The following ARHGEF1 variants were observed in gnomAD, a reference collection of about 807,000 sequenced individuals.
ARHGEF1 encodes the protein Rho guanine nucleotide exchange factor 1.
A neutral mutation model predicts 119.7 loss-of-function variants in ARHGEF1; 40 were observed. The observed-to-expected ratio is 0.33, with a 90% CI of 0.26 to 0.44. The LOEUF is 0.44. ARHGEF1 is among the 20% of genes least tolerant of loss of function. The pLI, the probability that ARHGEF1 is intolerant of heterozygous loss-of-function variation, is 1.00. For synonymous variants in ARHGEF1, 494 were observed against 521.0 expected (o/e 0.95, Z 0.71); for missense variants, 976 against 1,268.3 (o/e 0.77, Z 3.50).
chr19:41,898,551 C>G lies in ARHGEF1; in HGVS notation c.1231C>G (p.Pro411Ala). The change falls in exon 14 of 29, where the codon CCC (proline) becomes GCC (alanine). Residue 411 changes from proline (P) to alanine (A), a missense_variant. By Grantham distance (27) the Pro-to-Ala change is conservative. This residue lies in a region of ARHGEF1 where 519 missense variants were observed against 580.9 expected (regional missense o/e 0.89). Coordinates refer to ENST00000354532, the MANE Select transcript of ARHGEF1 (RefSeq NM_004706.4). ...LVPPDTLHSL[P>A]KSQVKRQEVI... ...CCCCCCAGACACCCTGCACAGCCTGCCCAAGAGCCAGGTGAAGCGGCAGGA... is the reference window on the plus strand; with the variant it reads ...CCCCCCAGACACCCTGCACAGCCTGGCCAAGAGCCAGGTGAAGCGGCAGGA... The G allele has an allele frequency of 6.3e-7, 1 of 1,577,448 alleles. No individual in the cohort carries two copies. The highest frequency in any genetic ancestry group is 8.6e-7 in the Non-Finnish European group (1 of 1,161,960).
chr19:41,910,298 C>T (rs572305915), downstream of ARHGEF1, among the ~76,000 whole-genome samples: 15 of 152,250 alleles, frequency 9.9e-5, no homozygotes, highest in African/African-American at 2.9e-4. The surrounding 1 kb of genome is among the most constrained non-coding windows in gnomAD (Gnocchi z 4.4). Flanking sequence ...ACCCAGTCAT[C>T]CAGGGACCCT....
upstream of ARHGEF1, among the ~76,000 whole-genome samples, chr19:41,922,094 G>C (rs535804351): frequency 6.6e-6 from 1 of 152,076 alleles, no homozygotes; most frequent in Admixed American, 6.5e-5. Flanking sequence ...CTGGAGGGGC[G>C]GGGGCAGAGA....
chr19:41,927,357 A>G (rs957608698), intron 1 of ARHGEF1, among the ~76,000 whole-genome samples: 3 of 152,136 alleles, frequency 2.0e-5, no homozygotes, highest in African/African-American at 7.2e-5. Context: ...TCCTTCCCAC[A>G]GACCCTGTGA....
Position 41,906,831 on chromosome 19 carries a change from G to A in ARHGEF1, c.*17+28G>A, listed in dbSNP as rs141930689. The A allele has an allele frequency of 7.2e-4, 1,116 of 1,558,146 alleles. 10 individuals carry two copies. In the African/African-American group the frequency reaches 0.013, roughly 18 times the overall value. ...GAGTGGGGCACCTGGGGGCCAGGGC[G>A]CTGTCCTGAAAGGAGGGTCCCCCTC... On this transcript the variant is annotated intron_variant, in intron 28 of 28. Transcript: ENST00000354532. This position sits in a 1 kb window ranked among gnomAD's most constrained non-coding sequence, Gnocchi z 4.5.
chr19:41,890,287 G>A (rs947806490), intron 4 of ARHGEF1: 5 of 151,968 alleles, frequency 3.3e-5, no homozygotes, highest in Non-Finnish European at 7.3e-5. Flanking sequence ...GGGAGGTTGA[G>A]GCTGCAGTGA....
chr19:41,929,380 C>T (rs1432582198), intron 2 of ARHGEF1, among the ~76,000 whole-genome samples: 1 of 152,188 alleles, frequency 6.6e-6, no homozygotes, highest in African/African-American at 2.4e-5. Context: ...CAGGCACACA[C>T]ACGCACACCT....
intron 13 of ARHGEF1, chr19:41,898,022 G>C (rs868920942): frequency 1.5e-6 from 2 of 1,336,020 alleles, no homozygotes; most frequent in Middle Eastern, 2.0e-4. Flanking sequence ...CAGCCTCGGG[G>C]CTAAGGGCCG....
At chr19:41,910,185 T>C, downstream of ARHGEF1, 1 of 1,296,368 alleles carries the variant, frequency 7.7e-7, no homozygotes, top group Non-Finnish European at 1.1e-6. This position sits in a 1 kb window ranked among gnomAD's most constrained non-coding sequence, Gnocchi z 4.4. Context: ...CTGGGAGGCA[T>C]GTAGTTCTCC....
At chr19:41,884,608 C>T (rs1555844956) in intron 1 of ARHGEF1, 2 of 1,379,282 alleles carry the variant, frequency 1.5e-6, no homozygotes, top group Admixed American at 4.1e-5. Context: ...GCGTAAGACC[C>T]GCCACGTCCA....
At position 41,905,423 on chromosome 19, in the gene ARHGEF1, G is replaced by T. The variant is rs782019183; in HGVS notation, c.2336+162G>T. 8 of 666,086 alleles carry T rather than the reference G, an allele frequency of 1.2e-5. No individual in the cohort carries two copies. Among genetic ancestry groups the T allele is most frequent in the Admixed American group, 2.9e-5 (1 of 34,626 alleles). 41.3% of individuals were successfully genotyped at this position (666,086 alleles called of 1,614,324 possible). On this transcript the variant is annotated intron_variant, in intron 24 of 28. Transcript: ENST00000354532. The surrounding 1 kb of genome is among the most constrained non-coding windows in gnomAD (Gnocchi z 6.4). ...TCTGTACGCAAGTATGTGACTGTGC[G>T]TGCATATATAGTGTGTGTATGCATG...
At chr19:41,924,126 A>G (rs1284084398) in intron 1 of ARHGEF1, among the ~76,000 whole-genome samples, 1 of 151,144 alleles carries the variant, frequency 6.6e-6, no homozygotes, top group African/African-American at 2.4e-5. Flanking sequence ...AAGGGTGAGA[A>G]AGTGAGCCTG....
intron 1 of ARHGEF1, among the ~76,000 whole-genome samples, chr19:41,924,800 G>A (rs1462385478): frequency 2.0e-5 from 3 of 152,168 alleles, no homozygotes; most frequent in African/African-American, 7.2e-5. Flanking sequence ...GAGAGAGCTG[G>A]TCAGAGACAC....
At chr19:41,924,510 A>G (rs2074860255) in intron 1 of ARHGEF1, among the ~76,000 whole-genome samples, 1 of 151,980 alleles carries the variant, frequency 6.6e-6, no homozygotes, top group Non-Finnish European at 1.5e-5. Context: ...TGTCATCACC[A>G]TCACCCTCAC....
At chr19:41,891,321 C>T (rs910204468) in intron 4 of ARHGEF1, among the ~76,000 whole-genome samples, 2 of 152,182 alleles carry the variant, frequency 1.3e-5, no homozygotes, top group Admixed American at 6.5e-5. Flanking sequence ...CGCTCTGTGT[C>T]ACCCAGGCTG....
chr19:41,894,654 G>A lies in ARHGEF1; in HGVS notation c.870G>A (p.Glu290=), dbSNP rs1319877400. ...CAGATTTTCGACACCTCAAAGCAGA[G>A]GTTGATGGTAATGTACCTGTAGCCA... The part of the protein sequence containing the change: ...QVPDFRHLKA[E]VDAEKPGATD... Residue 290 remains glutamate (E), a synonymous_variant, in exon 11 of 29, where the codon GAG becomes GAA. Coordinates refer to ENST00000354532, the MANE Select transcript of ARHGEF1 (RefSeq NM_004706.4). 2.5e-6 allele frequency: 4 copies of A among 1,614,070 alleles called. No homozygotes were observed. Among genetic ancestry groups the A allele is most frequent in the Non-Finnish European group, 3.4e-6 (4 of 1,179,932 alleles).
chr19:41,892,540 G>A lies in ARHGEF1; in HGVS notation c.368-63G>A. 1 of 1,567,782 alleles carries A rather than the reference G, an allele frequency of 6.4e-7. No homozygotes were observed. Among genetic ancestry groups the A allele is most frequent in the Non-Finnish European group, 8.7e-7 (1 of 1,152,980 alleles). On this transcript the variant is annotated intron_variant, in intron 6 of 28. Transcript: ENST00000354532. The surrounding 1 kb of genome is among the most constrained non-coding windows in gnomAD (Gnocchi z 6.3). ...GTGTGGCTGTTGGAGTCCAAGGGTG[G>A]GTGGGGACCGTGGTCCAAGCCACCA...
chr19:41,920,969 C>T (rs1212888530), upstream of ARHGEF1, among the ~76,000 whole-genome samples: 1 of 152,246 alleles, frequency 6.6e-6, no homozygotes, highest in Non-Finnish European at 1.5e-5. Context: ...CTCTGCATCT[C>T]TGTCTCTCTC....
intron 1 of ARHGEF1, chr19:41,884,600 G>A (rs2074265641): frequency 2.1e-6 from 3 of 1,425,428 alleles, no homozygotes; most frequent in African/African-American, 2.8e-5. Context: ...TAGGGCCCGC[G>A]TAAGACCCGC....
chr19:41,919,976 C>G (rs782379380), upstream of ARHGEF1, among the ~76,000 whole-genome samples: 7 of 142,394 alleles, frequency 4.9e-5, no homozygotes, highest in Non-Finnish European at 7.6e-5. Context: ...ACATGACACG[C>G]CCACAGACGT....
Sources: gnomAD v4.1 joint callset for allele counts (sites outside exome capture counted in the v4.1 genomes callset) on GRCh38, gnomAD v4.1.1 for gene constraint, gnomAD v4.1.1 regional missense constraint, Gnocchi (gnomAD v3.1) non-coding constraint, MANE v1.5 for transcripts, NCBI Gene and HGNC (gene_info 2026-07-23, HGNC 2026-07-21) for gene names.